The following NARF variants were observed in gnomAD, a reference collection of about 807,000 sequenced individuals.
The protein encoded by NARF is nuclear prelamin A recognition factor.
NARF carries 41 observed loss-of-function variants against 48.0 expected under a neutral mutation model. The ratio of observed to expected loss-of-function variants is 0.85; its 90% CI spans 0.66 to 1.11. The LOEUF (loss-of-function observed/expected upper bound fraction) is 1.11, where lower values mean the gene tolerates loss of function less well. Ranked by LOEUF, NARF falls within the 50% of genes least tolerant of loss-of-function variation. The probability of loss-of-function intolerance (pLI) is 0.00; values close to 1 mark genes in which losing one functional copy is unlikely to be tolerated. For synonymous variants in NARF, 215 were observed against 225.5 expected (o/e 0.95, Z 0.42); for missense variants, 613 against 590.2 (o/e 1.04, Z -0.40).
intron 4 of NARF, among the ~76,000 whole-genome samples, chr17:82,469,654 G>A (rs2043651840): frequency 6.6e-6 from 1 of 152,116 alleles, no homozygotes; most frequent in Non-Finnish European, 1.5e-5. Flanking sequence ...GCCCCAGGCT[G>A]GAGTGCAATG....
At chr17:82,459,918 T>A in intron 1 of NARF, 74 bp from the exon 2 acceptor site, 1 of 1,064,708 alleles carries the variant, frequency 9.4e-7, no homozygotes, top group Non-Finnish European at 1.4e-6. Context: ...TGAGCTTCAT[T>A]GGTCAGAATG....
At chr17:82,481,321 G>A (rs2043960467) in intron 7 of NARF, 110 bp downstream of exon 7, 2 of 1,505,676 alleles carry the variant, frequency 1.3e-6, no homozygotes, top group Admixed American at 1.9e-5. Context: ...GCCTGCCAAT[G>A]TGGTCGCTTG....
intron 4 of NARF, 50 bp downstream of exon 4, chr17:82,468,946 G>C: frequency 1.9e-6 from 3 of 1,599,066 alleles, no homozygotes; most frequent in Non-Finnish European, 2.6e-6. Flanking sequence ...GTTTATAAGC[G>C]CCCTTTTTAA....
intron 3 of NARF, among the ~76,000 whole-genome samples, chr17:82,466,929 G>C (rs2043583766): frequency 6.6e-6 from 1 of 151,762 alleles, no homozygotes; most frequent in South Asian, 2.1e-4. Flanking sequence ...CTGGCTTCAA[G>C]TGATCCACCT....
chr17:82,472,423 G>A (rs985195674), intron 4 of NARF, 141 bp from the exon 5 acceptor site: 6 of 833,502 alleles, frequency 7.2e-6, no homozygotes, highest in Non-Finnish European at 1.0e-5. Context: ...GGCGGAGGTT[G>A]CAGTGAGCCG....
intron 8 of NARF, chr17:82,484,014 C>T (rs1424459753): frequency 3.9e-6 from 2 of 512,818 alleles, no homozygotes. Flanking sequence ...GGTGTGATTG[C>T]CACCCTAAAC....
intron 4 of NARF, 134 bp downstream of exon 4, chr17:82,469,030 A>C (rs1483850619): frequency 2.0e-6 from 2 of 990,952 alleles, no homozygotes; most frequent in Non-Finnish European, 2.9e-6. Flanking sequence ...ACGTAAAAAG[A>C]CCATGTCCCG....
chr17:82,467,076 T>G (rs1256150332), intron 3 of NARF, among the ~76,000 whole-genome samples: 1 of 152,044 alleles, frequency 6.6e-6, no homozygotes, highest in East Asian at 1.9e-4. Context: ...AGATGGAGTC[T>G]CACTCTGTCG....
intron 4 of NARF, among the ~76,000 whole-genome samples, chr17:82,472,309 C>T (rs1162835392): frequency 3.9e-5 from 6 of 151,984 alleles, no homozygotes; most frequent in Non-Finnish European, 2.9e-5. Flanking sequence ...ATGGTGAAAC[C>T]TCATCTCTAC....
upstream of NARF, chr17:82,458,632 A>C: frequency 1.3e-6 from 1 of 793,682 alleles, no homozygotes; most frequent in East Asian, 3.4e-5. Flanking sequence ...CTATTGGCCC[A>C]GGGGTGCGGC....
intron 3 of NARF, 99 bp from the exon 4 acceptor site, chr17:82,468,665 A>AC (rs1313677579): frequency 8.8e-7 from 1 of 1,134,560 alleles, no homozygotes; most frequent in African/African-American, 1.9e-5. Context: ...CTTTGCATAG[A>AC]CCATCTATTA....
intron 2 of NARF, 86 bp from the exon 3 acceptor site, chr17:82,464,201 A>G: frequency 6.6e-7 from 1 of 1,504,118 alleles, no homozygotes; most frequent in Non-Finnish European, 9.0e-7. Flanking sequence ...TTTACTGTGA[A>G]TTCTGTATAT....
intron 4 of NARF, among the ~76,000 whole-genome samples, chr17:82,471,001 A>G (rs1217861180): frequency 6.6e-6 from 1 of 151,468 alleles, no homozygotes; most frequent in Non-Finnish European, 1.5e-5. Context: ...CATCTCCACT[A>G]AAAATACAAA....
At chr17:82,478,681 A>G (rs748126921) in intron 5 of NARF, 119 bp from the exon 6 acceptor site, 111 of 1,036,884 alleles carry the variant, frequency 1.1e-4, no homozygotes, top group Non-Finnish European at 1.5e-4. Context: ...AGGCCTGGGG[A>G]AAAGGTGTTC....
At chr17:82,483,490 AGAAAGAGGAATG>A (rs1381832314) in intron 7 of NARF, 9 of 516,596 alleles carry the variant, frequency 1.7e-5, no homozygotes, top group Non-Finnish European at 2.5e-5. Context: ...GTTCAAGGGC[AGAAAGAGGAATG>A]GAAAGAGGAG....
At chr17:82,471,301 A>G (rs1247509518) in intron 4 of NARF, among the ~76,000 whole-genome samples, 1 of 151,476 alleles carries the variant, frequency 6.6e-6, no homozygotes, top group Non-Finnish European at 1.5e-5. Context: ...TAAAAATTCA[A>G]AAAAGTAGCC....
intron 5 of NARF, among the ~76,000 whole-genome samples, chr17:82,473,688 G>T (rs536871967): frequency 6.6e-6 from 1 of 152,060 alleles, no homozygotes; most frequent in East Asian, 1.9e-4. Context: ...CTCCCCAGTA[G>T]CTGGGATTAC....
chr17:82,484,799 C>A lies in NARF; in HGVS notation c.834-14C>A. ...AGCATTCATGAAGGACTTGTATTTT[C>A]TCTGCCTTGTGAGGTTTGGAGACTT... is the stretch of plus-strand genomic sequence containing the variant. On this transcript the variant is annotated splice_polypyrimidine_tract_variant and intron_variant, in intron 8 of 10. Coordinates refer to ENST00000309794, the MANE Select transcript of NARF (RefSeq NM_012336.4). 2 of 1,574,046 alleles carry A rather than the reference C, an allele frequency of 1.3e-6. No homozygotes were observed. The highest frequency in any genetic ancestry group is 2.3e-5 in the South Asian group (2 of 86,010).
At chr17:82,485,838 C>T (rs1318679339) in intron 10 of NARF, among the ~76,000 whole-genome samples, 184 bp downstream of exon 10, 6 of 152,234 alleles carry the variant, frequency 3.9e-5, no homozygotes, top group Admixed American at 3.9e-4. Flanking sequence ...ATTGGTTTTG[C>T]TCTTTTCCTC....
Sources: allele counts gnomAD v4.1 joint callset (sites outside exome capture counted in the v4.1 genomes callset), GRCh38; gene constraint gnomAD v4.1.1; transcripts MANE v1.5; gene names NCBI Gene and HGNC (gene_info 2026-07-23, HGNC 2026-07-21).